The following ASTN2 variants were observed in gnomAD, a reference collection of about 807,000 sequenced individuals.
The protein encoded by ASTN2 is astrotactin 2.
ASTN2 carries 54 observed loss-of-function variants against 139.8 expected under a neutral mutation model. The ratio of observed to expected loss-of-function variants is 0.39; its 90% CI spans 0.31 to 0.48. The LOEUF is 0.48. Among genes scored for constraint, ASTN2 ranks in the 20% least tolerant of loss-of-function variants. The pLI, the probability that ASTN2 is intolerant of heterozygous loss-of-function variation, is 0.95. For synonymous variants in ASTN2, 756 were observed against 719.5 expected, an observed-to-expected ratio of 1.05 and a Z score of -0.81; for missense variants, 1,565 against 1,725.1, an observed-to-expected ratio of 0.91 and a Z score of 1.64.
chr9:117,179,803 G>A (rs963660187), intron 3 of ASTN2, among the ~76,000 whole-genome samples: 2 of 152,136 alleles, frequency 1.3e-5, no homozygotes, highest in Non-Finnish European at 2.9e-5. Flanking sequence ...CTGCAGATCT[G>A]TCATTTCAGG....
chr9:116,760,011 C>T (rs538485850), intron 13 of ASTN2, among the ~76,000 whole-genome samples: 63 of 152,234 alleles, frequency 4.1e-4, no homozygotes, highest in African/African-American at 1.4e-3. Flanking sequence ...AGAAAAGATA[C>T]GAAGTGCCAG....
chr9:117,200,231 C>A (rs1012669660), intron 3 of ASTN2, among the ~76,000 whole-genome samples: 5 of 145,962 alleles, frequency 3.4e-5, no homozygotes, highest in African/African-American at 1.3e-4. Flanking sequence ...TCCCTCCCCC[C>A]TCCCCCTACC....
At chr9:117,193,651 A>AG (rs1831409416) in intron 3 of ASTN2, among the ~76,000 whole-genome samples, 1 of 151,696 alleles carries the variant, frequency 6.6e-6, no homozygotes. Context: ...AAAAAAAAAA[A>AG]AAAAAGAAAA....
chr9:116,780,353 C>G (rs1830186190), intron 13 of ASTN2, among the ~76,000 whole-genome samples: 1 of 152,160 alleles, frequency 6.6e-6, no homozygotes, highest in East Asian at 1.9e-4. Flanking sequence ...CAAATTTGCT[C>G]ACTGAATGGA....
intron 20 of ASTN2, among the ~76,000 whole-genome samples, chr9:116,447,731 G>T (rs1368174070): frequency 1.3e-5 from 2 of 152,202 alleles, no homozygotes; most frequent in African/African-American, 4.8e-5. Context: ...CAGCATGAAA[G>T]TGCTCAGCAC....
At chr9:116,686,797 T>C (rs1401041229) in intron 16 of ASTN2, 2 of 1,550,622 alleles carry the variant, frequency 1.3e-6, no homozygotes, top group Admixed American at 3.9e-5. Context: ...TACAGAGCAA[T>C]GTGTTCATGG....
At chr9:117,188,708 C>A (rs2132962806) in intron 3 of ASTN2, among the ~76,000 whole-genome samples, 1 of 152,268 alleles carries the variant, frequency 6.6e-6, no homozygotes, top group Middle Eastern at 3.4e-3. Flanking sequence ...GAATAAACAA[C>A]TTGTTTAAGG....
intron 19 of ASTN2, among the ~76,000 whole-genome samples, chr9:116,520,424 G>GGGGCCCTT (rs1258360625): frequency 6.6e-6 from 1 of 152,090 alleles, no homozygotes; most frequent in African/African-American, 2.4e-5. Context: ...AATAGATTCA[G>GGGGCCCTT]AAAAGGCATG....
intron 20 of ASTN2, among the ~76,000 whole-genome samples, chr9:116,466,964 T>A (rs1848664994): frequency 6.6e-6 from 1 of 152,174 alleles, no homozygotes; most frequent in Non-Finnish European, 1.5e-5. Flanking sequence ...CTATAGCCAC[T>A]GACGAACTAT....
chr9:117,198,196 C>G (rs1044428442), intron 3 of ASTN2, among the ~76,000 whole-genome samples: 4 of 151,940 alleles, frequency 2.6e-5, no homozygotes, highest in Admixed American at 6.6e-5. Context: ...AACCCTCCAA[C>G]AGGCCCTGGT....
At chr9:116,808,659 T>G (rs1051429232) in intron 12 of ASTN2, among the ~76,000 whole-genome samples, 2 of 152,200 alleles carry the variant, frequency 1.3e-5, no homozygotes, top group Non-Finnish European at 2.9e-5. Flanking sequence ...TGTGCCCAAC[T>G]ATGTGTTTCT....
intron 1 of ASTN2, among the ~76,000 whole-genome samples, chr9:117,302,290 A>G (rs1394871654): frequency 6.6e-6 from 1 of 152,144 alleles, no homozygotes; most frequent in Non-Finnish European, 1.5e-5. Context: ...GTGTAAAGGG[A>G]TAGAGATCAA....
intron 11 of ASTN2, among the ~76,000 whole-genome samples, chr9:116,860,910 AAGTT>A (rs1445826279): frequency 6.6e-6 from 1 of 152,178 alleles, no homozygotes; most frequent in Admixed American, 6.5e-5. Context: ...CTATGAGAAG[AAGTT>A]TCTCTTTACA....
chr9:116,837,502 A>G (rs2132295087), intron 11 of ASTN2, among the ~76,000 whole-genome samples: 1 of 152,340 alleles, frequency 6.6e-6, no homozygotes, highest in Non-Finnish European at 1.5e-5. Flanking sequence ...TTCTTCCTCC[A>G]TACTGTGAAC....
At chr9:117,051,959 C>T (rs929925239) in intron 5 of ASTN2, among the ~76,000 whole-genome samples, 9 of 152,288 alleles carry the variant, frequency 5.9e-5, no homozygotes, top group Non-Finnish European at 1.5e-5. Flanking sequence ...CATACCCAAA[C>T]ATTCCCACAA....
chr9:116,933,979 CTTTTT>C lies in ASTN2; in HGVS notation c.1889+41224_1889+41228del, dbSNP rs148724828. Among the ~76,000 whole-genome samples the C allele has an allele frequency of 1.8e-3, 157 of 86,896 alleles. 7 individuals are homozygous for C. The highest frequency in any genetic ancestry group is 4.5e-3 in the African/African-American group (95 of 21,162). 57.0% of individuals were successfully genotyped at this position (86,896 alleles called of 152,430 possible). ...ACCTCAGTTGTGCGAAGTGTTAGTC[CTTTTT>C]TTTTTTTTTTTTTTTTTTCTGGATC... On this transcript the variant is annotated intron_variant, in intron 10 of 22. Transcript: ENST00000313400.
chr9:117,341,746 T>C (rs778393667), intron 1 of ASTN2, among the ~76,000 whole-genome samples: 1 of 152,136 alleles, frequency 6.6e-6, no homozygotes, highest in Non-Finnish European at 1.5e-5. Context: ...ACTCACTAGC[T>C]CTATTGTGAC....
intron 1 of ASTN2, among the ~76,000 whole-genome samples, chr9:117,316,534 C>A (rs1254635436): frequency 6.6e-6 from 1 of 152,126 alleles, no homozygotes. Context: ...GTGTCTTGAC[C>A]ATGGTACTAT....
At chr9:117,413,068 G>T (rs1831213468) in intron 1 of ASTN2, among the ~76,000 whole-genome samples, 1 of 152,222 alleles carries the variant, frequency 6.6e-6, no homozygotes, top group Non-Finnish European at 1.5e-5. Flanking sequence ...GCACGCTCAG[G>T]TTACAGCCTG....
Sources: allele counts gnomAD v4.1 joint callset (sites outside exome capture counted in the v4.1 genomes callset), GRCh38; gene constraint gnomAD v4.1.1; transcripts MANE v1.5; gene names NCBI Gene and HGNC (gene_info 2026-07-23, HGNC 2026-07-21).